Variants in SGCZ observed in about 807,000 individuals in gnomAD.
SGCZ encodes the protein sarcoglycan zeta.
In SGCZ, 40 loss-of-function variants were observed where a neutral mutation model predicts 41.3. The ratio of observed to expected loss-of-function variants is 0.97; its 90% CI spans 0.75 to 1.26. The LOEUF is 1.26. Ranked by LOEUF, SGCZ falls within the 50% of genes most tolerant of loss-of-function variation. The pLI is 0.00. For missense variants in SGCZ, 552 were observed against 369.8 expected (o/e 1.49, Z -4.04); for synonymous variants, 206 against 137.5 (o/e 1.50, Z -3.49).
chr8:15,054,810 A>C (rs1230506941), intron 1 of SGCZ, among the ~76,000 whole-genome samples: 1 of 151,682 alleles, frequency 6.6e-6, no homozygotes, highest in African/African-American at 2.4e-5. Flanking sequence ...CAAAAAAAAA[A>C]AATTAGCCGG....
At chr8:15,224,921 G>A (rs542769947) in intron 1 of SGCZ, among the ~76,000 whole-genome samples, 1 of 152,254 alleles carries the variant, frequency 6.6e-6, no homozygotes, top group South Asian at 2.1e-4. Flanking sequence ...AAACTTATAT[G>A]TATCTTATAA....
intron 1 of SGCZ, among the ~76,000 whole-genome samples, chr8:14,678,503 T>C (rs1243396213): frequency 6.6e-6 from 1 of 152,180 alleles, no homozygotes; most frequent in Non-Finnish European, 1.5e-5. Flanking sequence ...TAAGAACTTA[T>C]TAAAATTGCC....
intron 1 of SGCZ, among the ~76,000 whole-genome samples, chr8:14,829,878 C>T (rs1005241936): frequency 6.6e-6 from 1 of 152,128 alleles, no homozygotes; most frequent in Non-Finnish European, 1.5e-5. Flanking sequence ...GTGGCGCGAT[C>T]TCGGCTCACT....
At chr8:14,142,359 A>AT (rs1803398291) in intron 5 of SGCZ, among the ~76,000 whole-genome samples, 1 of 151,986 alleles carries the variant, frequency 6.6e-6, no homozygotes, top group South Asian at 2.1e-4. Context: ...ATACACACAA[A>AT]TTTTTTTTCT....
At chr8:14,295,838 G>C (rs1413812649) in intron 3 of SGCZ, among the ~76,000 whole-genome samples, 1 of 152,106 alleles carries the variant, frequency 6.6e-6, no homozygotes, top group African/African-American at 2.4e-5. Context: ...GCGGCAGGTA[G>C]GGTACTGCAC....
intron 3 of SGCZ, among the ~76,000 whole-genome samples, chr8:14,239,235 T>G (rs967380512): frequency 8.8e-6 from 1 of 114,238 alleles, no homozygotes; most frequent in African/African-American, 3.5e-5. Flanking sequence ...ATAAAGATGA[T>G]GGTTCATACA....
At chr8:14,859,501 A>C (rs150576062) in intron 1 of SGCZ, among the ~76,000 whole-genome samples, 100 of 152,276 alleles carry the variant, frequency 6.6e-4, no homozygotes, top group African/African-American at 2.2e-3. Context: ...CTTCTTTGGA[A>C]GACTACACTC....
intron 5 of SGCZ, among the ~76,000 whole-genome samples, chr8:14,112,375 C>G (rs1472597940): frequency 6.8e-6 from 1 of 146,998 alleles, no homozygotes; most frequent in Non-Finnish European, 1.5e-5. Context: ...GTCCATGGGG[C>G]AAAGGTTAAC....
intron 1 of SGCZ, among the ~76,000 whole-genome samples, chr8:14,909,163 T>C (rs936071362): frequency 6.6e-6 from 1 of 152,132 alleles, no homozygotes; most frequent in Non-Finnish European, 1.5e-5. Context: ...TCCAGCCCAC[T>C]CCTTATATCA....
chr8:14,945,178 C>T (rs1201675820), intron 1 of SGCZ, among the ~76,000 whole-genome samples: 4 of 117,020 alleles, frequency 3.4e-5, no homozygotes, highest in African/African-American at 1.0e-4. Flanking sequence ...GGGGGGTGGG[C>T]GGGGACAGAG....
At chr8:15,032,235 G>A (rs1480370242) in intron 1 of SGCZ, among the ~76,000 whole-genome samples, 3 of 152,054 alleles carry the variant, frequency 2.0e-5, no homozygotes, top group Admixed American at 6.5e-5. Context: ...AAATGTCTTT[G>A]CAAAAGCTAA....
Position 14,099,938 on chromosome 8 carries a change from TACATTTCATCCA to T in SGCZ, c.744+2426_744+2437del, listed in dbSNP as rs905116276. ...AATTTCACATACAATTTCATTCTTC[TACATTTCATCCA>T]TCATTTCATCCATCATTTTAGATAC... On this transcript the variant is annotated intron_variant, in intron 7 of 7. Transcript: ENST00000382080. Among the ~76,000 whole-genome samples the T allele has an allele frequency of 4.0e-5, 6 of 151,858 alleles. No individual in the cohort carries two copies. The South Asian group carries it at 8.3e-4, about 21-fold the overall frequency.
chr8:14,916,731 C>T lies in SGCZ; in HGVS notation c.39+320854G>A, dbSNP rs933431814. On this transcript the variant is annotated intron_variant, in intron 1 of 7. Coordinates refer to ENST00000382080, the MANE Select transcript of SGCZ (RefSeq NM_139167.4). ...CACGAGTAAAGTTCCTCTTTTTGTA[C>T]AGAAAACTGTTATTGTGTAACTAGT... is the stretch of plus-strand genomic sequence containing the variant. 1.1e-4 allele frequency among the ~76,000 whole-genome samples: 16 copies of T among 152,066 alleles called. 1 individual carries two copies. The highest frequency in any genetic ancestry group is 2.1e-4 in the Non-Finnish European group (14 of 67,996).
chr8:14,203,334 T>C (rs1805517316), intron 4 of SGCZ, among the ~76,000 whole-genome samples: 1 of 152,276 alleles, frequency 6.6e-6, no homozygotes, highest in African/African-American at 2.4e-5. Context: ...TTTTCTTATC[T>C]ACGTTCATAA....
At chr8:14,457,135 C>A (rs1298841387) in intron 2 of SGCZ, among the ~76,000 whole-genome samples, 1 of 152,126 alleles carries the variant, frequency 6.6e-6, no homozygotes, top group African/African-American at 2.4e-5. Flanking sequence ...ATATGAATAT[C>A]ATTAATCATT....
At chr8:14,154,958 G>C (rs1420920937) in intron 5 of SGCZ, among the ~76,000 whole-genome samples, 1 of 152,166 alleles carries the variant, frequency 6.6e-6, no homozygotes, top group African/African-American at 2.4e-5. Flanking sequence ...CAGTGGAGCA[G>C]GTATCAGCTA....
At chr8:14,612,005 T>G (rs1272974505) in intron 1 of SGCZ, among the ~76,000 whole-genome samples, 1 of 152,220 alleles carries the variant, frequency 6.6e-6, no homozygotes, top group Non-Finnish European at 1.5e-5. Context: ...ATCTATTTCT[T>G]TAAGGGAGGC....
intron 5 of SGCZ, among the ~76,000 whole-genome samples, chr8:14,160,256 T>G (rs1489545498): frequency 6.6e-6 from 1 of 152,224 alleles, no homozygotes; most frequent in Non-Finnish European, 1.5e-5. Flanking sequence ...TCTTTCACTT[T>G]TTAAAGCAGA....
At chr8:14,169,747 C>T (rs1804318507) in intron 4 of SGCZ, among the ~76,000 whole-genome samples, 1 of 152,188 alleles carries the variant, frequency 6.6e-6, no homozygotes, top group South Asian at 2.1e-4. Context: ...CCAACACTCT[C>T]TTGATACAAG....
Sources: allele counts gnomAD v4.1 joint callset (sites outside exome capture counted in the v4.1 genomes callset), GRCh38; gene constraint gnomAD v4.1.1; transcripts MANE v1.5; gene names NCBI Gene and HGNC (gene_info 2026-07-23, HGNC 2026-07-21).